TRPM3: variants seen among roughly 807,000 people sequenced by gnomAD.
TRPM3 encodes the protein long transient receptor potential channel 3.
A neutral mutation model predicts 181.2 loss-of-function variants in TRPM3; 77 were observed. That is an observed-to-expected ratio of 0.42 (90% confidence interval 0.35 to 0.51). The LOEUF is 0.51. Ranked by LOEUF, TRPM3 falls within the 20% of genes least tolerant of loss-of-function variation. The pLI is 0.01. For synonymous variants in TRPM3, 745 were observed against 796.4 expected, an observed-to-expected ratio of 0.94 and a Z score of 1.09; for missense variants, 1,759 against 2,196.7, an observed-to-expected ratio of 0.80 and a Z score of 3.98.
chr9:71,108,946 A>T (rs917850580), intron 1 of TRPM3, among the ~76,000 whole-genome samples: 1 of 152,220 alleles, frequency 6.6e-6, no homozygotes, highest in African/African-American at 2.4e-5. Flanking sequence ...GTTTACATTT[A>T]AATTGGCAGA....
chr9:70,804,884 GC>G (rs1391028777), intron 6 of TRPM3, among the ~76,000 whole-genome samples: 1 of 152,054 alleles, frequency 6.6e-6, no homozygotes, highest in Non-Finnish European at 1.5e-5. Flanking sequence ...CTCCGTAAAA[GC>G]AGGAATTATG....
At chr9:70,844,429 AAAAC>A (rs35792007) in intron 4 of TRPM3, among the ~76,000 whole-genome samples, 117,140 of 151,216 alleles carry the variant, frequency 0.77, 45,709 homozygotes, top group African/African-American at 0.84. Context: ...GAGAACTGGT[AAAAC>A]AAACAAACAA....
intron 1 of TRPM3, 135 bp downstream of exon 1, chr9:71,121,043 C>G: frequency 1.3e-6 from 1 of 774,546 alleles, no homozygotes; most frequent in Non-Finnish European, 2.0e-6. Flanking sequence ...GAACCTCTCT[C>G]CAGCCACGGA....
At chr9:71,098,362 T>C (rs911252778) in intron 1 of TRPM3, among the ~76,000 whole-genome samples, 2 of 152,088 alleles carry the variant, frequency 1.3e-5, no homozygotes, top group African/African-American at 4.8e-5. Context: ...GAGACCAAAC[T>C]TGAAGAGAGG....
At chr9:70,827,576 A>T in intron 6 of TRPM3, 1 of 274,002 alleles carries the variant, frequency 3.6e-6, no homozygotes. Context: ...CTGAAGAGAA[A>T]GCTTATCTGC....
At chr9:70,616,363 C>T (rs2062773631) in intron 17 of TRPM3, among the ~76,000 whole-genome samples, 1 of 152,070 alleles carries the variant, frequency 6.6e-6, no homozygotes, top group Admixed American at 6.5e-5. Flanking sequence ...ATTTGTCTTA[C>T]CCAATTAACA....
chr9:71,197,757 G>A (rs1457645600), intron 1 of TRPM3, among the ~76,000 whole-genome samples: 3 of 145,964 alleles, frequency 2.1e-5, no homozygotes. Flanking sequence ...GTTCATTGTA[G>A]ATTCTGGATA....
chr9:71,134,447 G>C (rs2074629174), intron 1 of TRPM3, among the ~76,000 whole-genome samples: 1 of 151,494 alleles, frequency 6.6e-6, no homozygotes, highest in African/African-American at 2.4e-5. Context: ...AGCTACTTGG[G>C]AGGCTGAGGC....
intron 1 of TRPM3, among the ~76,000 whole-genome samples, chr9:70,869,836 G>A (rs1369964765): frequency 2.6e-5 from 4 of 151,988 alleles, no homozygotes; most frequent in African/African-American, 9.7e-5. Context: ...GTGGCCCAAT[G>A]GAGAGATTCC....
At chr9:71,336,001 T>C (rs2090530568) in intron 1 of TRPM3, among the ~76,000 whole-genome samples, 1 of 152,042 alleles carries the variant, frequency 6.6e-6, no homozygotes, top group Non-Finnish European at 1.5e-5. Flanking sequence ...AGCCTACCAA[T>C]CAATTCATTC....
At chr9:70,587,399 T>G (rs2057326630) in intron 22 of TRPM3, among the ~76,000 whole-genome samples, 1 of 152,178 alleles carries the variant, frequency 6.6e-6, no homozygotes. Context: ...ATGGATGCCC[T>G]GTAAATAAAT....
At chr9:71,028,614 G>GA (rs1449576794) in intron 1 of TRPM3, among the ~76,000 whole-genome samples, 4 of 134,934 alleles carry the variant, frequency 3.0e-5, no homozygotes, top group African/African-American at 8.3e-5. Context: ...AAGGGATCAT[G>GA]AAAAATCTAC....
chr9:71,356,612 A>C (rs1184393231), intron 1 of TRPM3, among the ~76,000 whole-genome samples: 1 of 152,140 alleles, frequency 6.6e-6, no homozygotes, highest in African/African-American at 2.4e-5. Context: ...GTTACTGTGG[A>C]AGTTAAAGGA....
intron 6 of TRPM3, among the ~76,000 whole-genome samples, chr9:70,816,442 G>A (rs1171206765): frequency 2.0e-5 from 3 of 152,228 alleles, no homozygotes; most frequent in Admixed American, 6.5e-5. Context: ...GTCAGAGGAT[G>A]GCTGCTTTTA....
chr9:71,252,847 C>CTCTTTTTTTTTTTTTT (rs1554854926), intron 1 of TRPM3, among the ~76,000 whole-genome samples: 1 of 84,754 alleles, frequency 1.2e-5, no homozygotes, highest in African/African-American at 5.2e-5. Flanking sequence ...AATTTTGTCT[C>CTCTTTTTTTTTTTTTT]TTTTTTTTTT....
Position 71,377,794 on chromosome 9 carries a change from T to A in TRPM3, c.183+68859A>T, listed in dbSNP as rs185314791. On this transcript the variant is annotated intron_variant, in intron 1 of 24. Coordinates refer to the TRPM3 transcript ENST00000357533. ...AATAGGACATTAGCTTCCCATAGAT[T>A]ATTTTTGCCTGTTTGTGAACATATT... Among the ~76,000 whole-genome samples, 145 of 152,202 alleles carry A rather than the reference T, an allele frequency of 9.5e-4. 2 individuals carry two copies. Among genetic ancestry groups the A allele is most frequent in the South Asian group, 6.0e-3 (29 of 4,830 alleles).
At chr9:71,434,301 T>C (rs2094000384) in intron 1 of TRPM3, among the ~76,000 whole-genome samples, 1 of 152,184 alleles carries the variant, frequency 6.6e-6, no homozygotes, top group Non-Finnish European at 1.5e-5. Context: ...GTCATGAAAG[T>C]GGAGCCCTCA....
At chr9:70,956,964 T>C (rs1436143242) in intron 1 of TRPM3, among the ~76,000 whole-genome samples, 2 of 139,206 alleles carry the variant, frequency 1.4e-5, no homozygotes, top group Admixed American at 7.2e-5. Flanking sequence ...TTTCTTTCTT[T>C]TTTTTTTTTT....
intron 1 of TRPM3, among the ~76,000 whole-genome samples, chr9:71,277,266 C>T (rs2084287048): frequency 1.3e-5 from 2 of 152,202 alleles, no homozygotes; most frequent in Non-Finnish European, 2.9e-5. Context: ...CCACACCACC[C>T]TCACGTGCTC....
Sources: gnomAD v4.1 joint callset for allele counts (sites outside exome capture counted in the v4.1 genomes callset) on GRCh38, gnomAD v4.1.1 for gene constraint, MANE v1.5 for transcripts, NCBI Gene and HGNC (gene_info 2026-07-23, HGNC 2026-07-21) for gene names.